Variants in ATXN7 observed in about 807,000 individuals in gnomAD.
ATXN7 encodes the protein ataxin-7.
Under a neutral mutation model 70.5 loss-of-function variants are expected in ATXN7, and 12 were observed. That is an observed-to-expected ratio of 0.17 (90% CI 0.11 to 0.28). The LOEUF is 0.28. Ranked by LOEUF, ATXN7 falls within the 10% of genes least tolerant of loss-of-function variation. The pLI, the probability that ATXN7 is intolerant of heterozygous loss-of-function variation, is 1.00. For missense variants in ATXN7, 1,256 were observed against 1,131.7 expected (o/e 1.11, Z -1.58); for synonymous variants, 498 against 448.7 (o/e 1.11, Z -1.39).
chr3:63,985,033 TGACA>T (rs1309017701), intron 8 of ATXN7, among the ~76,000 whole-genome samples: 12 of 152,242 alleles, frequency 7.9e-5, no homozygotes, highest in African/African-American at 2.7e-4. Flanking sequence ...AGTCACCTGT[TGACA>T]GACATTTATA....
Position 63,988,058 on chromosome 3 carries a change from G to T in ATXN7, c.1096-1G>T. The T allele has an allele frequency of 1.2e-6, 2 of 1,613,084 alleles. No individual in the cohort carries two copies. Among genetic ancestry groups the T allele is most frequent in the South Asian group, 2.2e-5 (2 of 90,912 alleles). On this transcript the variant is annotated splice_acceptor_variant, in intron 8 of 12. Transcript: ENST00000674280. LOFTEE classifies it high-confidence loss of function. ...AGTTTCTGTATTTTTTTGGTCCACA[G>T]ACACATTCCTTAACCCAGCGCAGGG...
At position 63,912,590 on chromosome 3, in the gene ATXN7, G is replaced by T; in HGVS notation, c.-9G>T. 9.0e-7 allele frequency: 1 copy of T among 1,109,514 alleles called. No individual in the cohort carries two copies. Among genetic ancestry groups the T allele is most frequent in the Non-Finnish European group, 1.1e-6 (1 of 896,898 alleles). 68.7% of individuals were successfully genotyped at this position (1,109,514 alleles called of 1,614,324 possible). ...CCCTTTTTTTTGTTACATTGTAGGA[G>T]CGGAAAGAATGTCGGAGCGGGCCGC... is the stretch of plus-strand genomic sequence containing the variant. On this transcript the variant is annotated splice_region_variant and 5_prime_UTR_variant, in exon 3 of 13. Coordinates refer to ENST00000674280, the MANE Select transcript of ATXN7 (RefSeq NM_001377405.1).
At chr3:63,934,129 C>T (rs1430794709) in intron 4 of ATXN7, among the ~76,000 whole-genome samples, 1 of 152,164 alleles carries the variant, frequency 6.6e-6, no homozygotes, top group East Asian at 1.9e-4. Flanking sequence ...TATTGAGAAG[C>T]CAAAGACTAA....
chr3:63,883,382 T>C (rs1194190623), intron 1 of ATXN7, among the ~76,000 whole-genome samples: 1 of 152,190 alleles, frequency 6.6e-6, no homozygotes, highest in East Asian at 1.9e-4. Context: ...GGTTGAAGGC[T>C]GAGGTGAAGA....
chr3:63,910,895 C>G (rs551046138), intron 2 of ATXN7, among the ~76,000 whole-genome samples: 1 of 152,152 alleles, frequency 6.6e-6, no homozygotes, highest in Non-Finnish European at 1.5e-5. Context: ...ACCCCAAACC[C>G]TCTCTAGCAA....
intron 4 of ATXN7, among the ~76,000 whole-genome samples, chr3:63,935,736 A>G (rs1051212845): frequency 3.9e-5 from 6 of 151,920 alleles, no homozygotes; most frequent in Non-Finnish European, 7.4e-5. Flanking sequence ...AGTCTTTCAC[A>G]TGATGATATT....
intron 9 of ATXN7, 133 bp from the exon 10 acceptor site, chr3:63,990,043 C>G (rs545531087): frequency 2.1e-5 from 16 of 755,660 alleles, no homozygotes; most frequent in Admixed American, 5.6e-5. Flanking sequence ...GGATCAGCAT[C>G]TGTTTTCCCC....
At chr3:63,988,034 G>T (rs746877558) in intron 8 of ATXN7, 25 bp from the exon 9 acceptor site, 2 of 1,608,238 alleles carry the variant, frequency 1.2e-6, no homozygotes, top group East Asian at 4.5e-5. Context: ...AGATTCCTCA[G>T]TTTCTGTATT....
chr3:63,950,405 G>A (rs1010992058), intron 4 of ATXN7, among the ~76,000 whole-genome samples: 7 of 152,104 alleles, frequency 4.6e-5, no homozygotes, highest in African/African-American at 1.7e-4. Flanking sequence ...ACATTGCAGA[G>A]ACCTAAAACT....
rs1017281119 is a variant in ATXN7 at position 63,950,550 on chromosome 3, A to T, written c.395-1829A>T. The stretch of plus-strand genomic sequence containing the variant: ...AGTTGTAAATTATGAATGTTATACC[A>T]GTTCTGTAATTTAGATGTATCAGAG... On this transcript the variant is annotated intron_variant, in intron 4 of 12. Transcript: ENST00000674280. Among the ~76,000 whole-genome samples the T allele has an allele frequency of 2.6e-5, 4 of 152,210 alleles. No individual in the cohort carries two copies. The South Asian group carries it at 8.3e-4, about 32-fold the overall frequency.
chr3:63,909,670 AACTTT>A (rs1435967646), intron 2 of ATXN7, among the ~76,000 whole-genome samples: 1 of 152,200 alleles, frequency 6.6e-6, no homozygotes, highest in Non-Finnish European at 1.5e-5. Context: ...GACTCATTCC[AACTTT>A]AAGGAAACTT....
At chr3:63,969,000 C>G (rs2075270248) in intron 5 of ATXN7, among the ~76,000 whole-genome samples, 1 of 152,178 alleles carries the variant, frequency 6.6e-6, no homozygotes, top group South Asian at 2.1e-4. Flanking sequence ...AAACTCTTGT[C>G]AGACAGTTTT....
At chr3:63,990,461 G>A (rs527374316) in intron 10 of ATXN7, 87 bp downstream of exon 10, 3 of 1,506,318 alleles carry the variant, frequency 2.0e-6, no homozygotes, top group Non-Finnish European at 2.7e-6. Flanking sequence ...ATCTTGGCAT[G>A]CCCGTATGTG....
intron 4 of ATXN7, among the ~76,000 whole-genome samples, chr3:63,932,987 AGTGT>A (rs2074585008): frequency 6.6e-6 from 1 of 152,232 alleles, no homozygotes; most frequent in East Asian, 1.9e-4. Flanking sequence ...GACTCTTGGC[AGTGT>A]TGCTGCTTTT....
At chr3:63,905,761 T>C (rs1209438935) in intron 2 of ATXN7, 2 of 152,202 alleles carry the variant, frequency 1.3e-5, no homozygotes, top group Non-Finnish European at 2.9e-5. Flanking sequence ...AACACCTTGA[T>C]GTAGACGTGG....
At chr3:63,971,567 T>A (rs1408849985) in intron 5 of ATXN7, among the ~76,000 whole-genome samples, 2 of 152,136 alleles carry the variant, frequency 1.3e-5, no homozygotes, top group Non-Finnish European at 2.9e-5. Context: ...TTGACAACAA[T>A]GAAAGTAGTG....
At chr3:63,872,417 CTAGT>C (rs1702624963) in intron 1 of ATXN7, among the ~76,000 whole-genome samples, 2 of 152,172 alleles carry the variant, frequency 1.3e-5, no homozygotes, top group Non-Finnish European at 2.9e-5. Flanking sequence ...TGAGTCAGAA[CTAGT>C]TAGTCAAGCT....
intron 12 of ATXN7, chr3:63,998,395 C>CT (rs897606411): frequency 3.0e-6 from 3 of 985,034 alleles, no homozygotes; most frequent in African/African-American, 1.8e-5. Context: ...TACACACACA[C>CT]TTTTTTTTCT....
At chr3:63,993,493 G>A (rs1319604523) in intron 11 of ATXN7, among the ~76,000 whole-genome samples, 1 of 151,214 alleles carries the variant, frequency 6.6e-6, no homozygotes, top group Non-Finnish European at 1.5e-5. Context: ...GGCATACATT[G>A]AAAACCGAGT....
Sources: gnomAD v4.1 joint callset for allele counts (sites outside exome capture counted in the v4.1 genomes callset) on GRCh38, gnomAD v4.1.1 for gene constraint, MANE v1.5 for transcripts, NCBI Gene and HGNC (gene_info 2026-07-23, HGNC 2026-07-21) for gene names.